The following GAS7 variants were observed in gnomAD, a reference collection of about 807,000 sequenced individuals.
The protein encoded by GAS7 is growth arrest-specific protein 7.
A neutral mutation model predicts 71.1 loss-of-function variants in GAS7; 28 were observed. That is an observed-to-expected ratio of 0.39 (90% CI 0.29 to 0.54). The LOEUF is 0.54. Ranked by LOEUF, GAS7 falls within the 20% of genes least tolerant of loss-of-function variation. The pLI, the probability that GAS7 is intolerant of heterozygous loss-of-function variation, is 0.62. For missense variants in GAS7, 436 were observed against 627.8 expected (o/e 0.69, Z 3.27); for synonymous variants, 258 against 245.8 (o/e 1.05, Z -0.46).
chr17:10,081,370 G>T (rs891529168), intron 1 of GAS7, among the ~76,000 whole-genome samples: 9 of 152,114 alleles, frequency 5.9e-5, no homozygotes, highest in Non-Finnish European at 1.2e-4. Flanking sequence ...TGGTCAGGCT[G>T]GTCTCGAACT....
At chr17:10,088,955 C>T (rs529183012) in intron 1 of GAS7, among the ~76,000 whole-genome samples, 2 of 151,882 alleles carry the variant, frequency 1.3e-5, no homozygotes, top group South Asian at 4.2e-4. Context: ...GTCAGGAGTT[C>T]GAGACCAGCC....
chr17:10,155,312 G>A (rs1354664094), intron 1 of GAS7, among the ~76,000 whole-genome samples: 2 of 138,628 alleles, frequency 1.4e-5, no homozygotes, highest in Admixed American at 7.1e-5. Context: ...CACCGTGCCC[G>A]GCCACCAATA....
At chr17:10,030,614 C>T (rs2072593905) in intron 1 of GAS7, among the ~76,000 whole-genome samples, 1 of 152,222 alleles carries the variant, frequency 6.6e-6, no homozygotes, top group Non-Finnish European at 1.5e-5. Flanking sequence ...CTGTGTGTCA[C>T]CTCAAACCCT....
chr17:10,128,263 C>T lies in GAS7; in HGVS notation c.183+69945G>A, dbSNP rs557822413. On this transcript the variant is annotated intron_variant, in intron 1 of 13. Coordinates refer to ENST00000432992, the MANE Select transcript of GAS7 (RefSeq NM_201433.2). ...TTCGAGAGGAAACAATTTCCTAATCCCCTTCCTAAATCAAGGCCAAGAAAC... is the reference window on the plus strand; with the variant it reads ...TTCGAGAGGAAACAATTTCCTAATCTCCTTCCTAAATCAAGGCCAAGAAAC... Among the ~76,000 whole-genome samples the T allele has an allele frequency of 5.3e-4, 80 of 152,326 alleles. No homozygotes were observed. The Middle Eastern group carries it at 0.01, about 19-fold the overall frequency.
chr17:10,059,250 C>T (rs1363269298), intron 1 of GAS7, among the ~76,000 whole-genome samples: 1 of 152,164 alleles, frequency 6.6e-6, no homozygotes, highest in African/African-American at 2.4e-5. Context: ...TCAGGCTTCT[C>T]CTGAGAACTC....
At chr17:10,196,905 A>C (rs2074544886) in intron 1 of GAS7, among the ~76,000 whole-genome samples, 1 of 152,188 alleles carries the variant, frequency 6.6e-6, no homozygotes, top group South Asian at 2.1e-4. Context: ...AGCCTCTCCT[A>C]CAAGTAGGGT....
chr17:10,067,791 G>A (rs564155823), intron 1 of GAS7, among the ~76,000 whole-genome samples: 2 of 152,332 alleles, frequency 1.3e-5, no homozygotes, highest in South Asian at 4.1e-4. Context: ...GGGTGGGCCT[G>A]ATCGGAGACC....
At chr17:10,018,366 C>A (rs912133074) in intron 2 of GAS7, among the ~76,000 whole-genome samples, 2 of 152,068 alleles carry the variant, frequency 1.3e-5, no homozygotes, top group Admixed American at 6.6e-5. Context: ...TATTCATATC[C>A]CCTAGCAACC....
intron 1 of GAS7, among the ~76,000 whole-genome samples, chr17:10,135,571 T>C (rs754544591): frequency 6.6e-6 from 1 of 152,220 alleles, no homozygotes; most frequent in Non-Finnish European, 1.5e-5. Context: ...TTTAAGTTCC[T>C]GATCTCGTCT....
At chr17:10,109,083 C>A (rs1377761258) in intron 1 of GAS7, among the ~76,000 whole-genome samples, 7 of 151,474 alleles carry the variant, frequency 4.6e-5, no homozygotes, top group Admixed American at 1.3e-4. Context: ...TGATGAGGGA[C>A]TAATAGCCAG....
In GAS7 at chr17:10,005,246, CATGT is replaced by C. The variant is rs1429936648; in HGVS notation, c.304+14527_304+14530del. 1.3e-4 allele frequency among the ~76,000 whole-genome samples: 14 copies of C among 104,216 alleles called. 1 individual carries two copies. The highest frequency in any genetic ancestry group is 1.0e-3 in the Admixed American group (13 of 12,492). 68.4% of individuals were successfully genotyped at this position (104,216 alleles called of 152,430 possible). On this transcript the variant is annotated intron_variant, in intron 2 of 13. Coordinates refer to ENST00000432992, the MANE Select transcript of GAS7 (RefSeq NM_201433.2). Reference sequence around the variant, plus strand: ...GCATGTATGTGTATGTGCGCGCATGCATGTGTGTGCACACATACATGTATGTATA... The same window carrying C: ...GCATGTATGTGTATGTGCGCGCATGCGTGTGCACACATACATGTATGTATA...
intron 1 of GAS7, among the ~76,000 whole-genome samples, chr17:10,154,902 C>T (rs1305120515): frequency 7.6e-6 from 1 of 130,940 alleles, no homozygotes; most frequent in Non-Finnish European, 1.6e-5. Flanking sequence ...CCCCAATCCC[C>T]AACCCCAGGC....
chr17:10,092,459 T>C (rs893850343), intron 1 of GAS7, among the ~76,000 whole-genome samples: 4 of 152,222 alleles, frequency 2.6e-5, no homozygotes, highest in Admixed American at 6.5e-5. Context: ...TGCTGTTCAA[T>C]AGAAACAGGT....
chr17:9,967,257 A>G (rs969821099), intron 4 of GAS7, among the ~76,000 whole-genome samples: 3 of 136,374 alleles, frequency 2.2e-5, no homozygotes, highest in Non-Finnish European at 5.2e-5. Context: ...GAAAAATAAC[A>G]ACAAGTGTAA....
At chr17:10,092,179 T>C (rs1408896192) in intron 1 of GAS7, among the ~76,000 whole-genome samples, 1 of 152,164 alleles carries the variant, frequency 6.6e-6, no homozygotes, top group African/African-American at 2.4e-5. Context: ...GGAACATTCT[T>C]TCCTCCGACA....
At chr17:10,067,696 A>C (rs1404552835) in intron 1 of GAS7, among the ~76,000 whole-genome samples, 1 of 152,128 alleles carries the variant, frequency 6.6e-6, no homozygotes, top group Non-Finnish European at 1.5e-5. Context: ...GTCTGCAAAC[A>C]CCTGTCCTAG....
chr17:10,062,417 G>A (rs891646714), intron 1 of GAS7, among the ~76,000 whole-genome samples: 1 of 152,176 alleles, frequency 6.6e-6, no homozygotes, highest in African/African-American at 2.4e-5. Flanking sequence ...CCCGGGAGGT[G>A]GAGGTTGCAG....
At chr17:10,020,414 C>T (rs559119875) in intron 1 of GAS7, among the ~76,000 whole-genome samples, 234 of 152,326 alleles carry the variant, frequency 1.5e-3, no homozygotes, top group African/African-American at 5.4e-3. Context: ...CTGGATGGAG[C>T]TTCTCTCGCC....
chr17:10,052,719 G>C (rs913471026), intron 1 of GAS7, among the ~76,000 whole-genome samples: 1 of 152,092 alleles, frequency 6.6e-6, no homozygotes, highest in Non-Finnish European at 1.5e-5. Flanking sequence ...AATTCTGGGA[G>C]CTTGAGTTCA....
Sources: gnomAD v4.1 joint callset for allele counts (sites outside exome capture counted in the v4.1 genomes callset) on GRCh38, gnomAD v4.1.1 for gene constraint, MANE v1.5 for transcripts, NCBI Gene and HGNC (gene_info 2026-07-23, HGNC 2026-07-21) for gene names.